The following MAP3K7 variants were observed in gnomAD, a reference collection of about 807,000 sequenced individuals.
MAP3K7 encodes the protein mitogen-activated protein kinase kinase kinase 7.
In MAP3K7, 21 loss-of-function variants were observed where a neutral mutation model predicts 84.8. That is an observed-to-expected ratio of 0.25 (90% CI 0.18 to 0.36). The LOEUF is 0.36. Ranked by LOEUF, MAP3K7 falls within the 10% of genes least tolerant of loss-of-function variation. MAP3K7 has a pLI of 1.00. For synonymous variants in MAP3K7, 241 were observed against 247.7 expected (o/e 0.97, Z 0.25); for missense variants, 503 against 747.7 (o/e 0.67, Z 3.82).
At chr6:90,556,456 G>C (rs780575612) in intron 6 of MAP3K7, 44 bp downstream of exon 6, 1 of 1,594,836 alleles carries the variant, frequency 6.3e-7, no homozygotes, top group East Asian at 2.3e-5. Flanking sequence ...AATTCACAAG[G>C]AGTGAGGGAG....
rs1028095489 is a variant in MAP3K7 at position 90,515,463 on chromosome 6, T to C, written c.*1038A>G. 5.3e-5 allele frequency: 8 copies of C among 152,108 alleles called. No individual in the cohort carries two copies. The highest frequency in any genetic ancestry group is 3.4e-3 in the Middle Eastern group (1 of 294). 9.4% of individuals were successfully genotyped at this position (152,108 alleles called of 1,614,324 possible). On this transcript the variant is annotated 3_prime_UTR_variant, in exon 17 of 17. Transcript: ENST00000369329. ...TTGTAAGGAAAATCAAATATTCCAA[T>C]ATCCAGGATAATTAGGACACTTGTT...
chr6:90,533,919 C>T (rs1181086215), intron 13 of MAP3K7, among the ~76,000 whole-genome samples: 1 of 152,036 alleles, frequency 6.6e-6, no homozygotes, highest in Non-Finnish European at 1.5e-5. Context: ...TAAAAAGCTT[C>T]CTGAATTAAT....
rs759545618 is a variant in MAP3K7 at position 90,547,303 on chromosome 6, T to C, written c.1165A>G (p.Ser389Gly). ...GCTTCTATTTCAGACATGTCAGCAC[T>C]CATCCTCTTGCCCTCAGAGGTTGGG... ...LPPTSEGKRM[S>G]ADMSEIEARI... is the part of the protein sequence containing the mutation. Residue 389 changes from serine (S) to glycine (G), a missense_variant, in exon 11 of 17, where the codon AGT becomes GGT. Around this residue, in one of 5 missense-constraint regions of MAP3K7, gnomAD observed 286 missense variants for 313.6 expected, o/e 0.91. Transcript: ENST00000369329. 1.1e-5 allele frequency: 17 copies of C among 1,613,116 alleles called. No homozygotes were observed. Among genetic ancestry groups the C allele is most frequent in the Admixed American group, 5.0e-5 (3 of 59,882 alleles).
chr6:90,518,400 T>A, intron 16 of MAP3K7, 47 bp downstream of exon 16: 1 of 996,732 alleles, frequency 1.0e-6, no homozygotes, highest in Non-Finnish European at 1.5e-6. Flanking sequence ...TATTTTAAAC[T>A]CAAAATACTA....
intron 4 of MAP3K7, among the ~76,000 whole-genome samples, 153 bp downstream of exon 4, chr6:90,561,469 T>C (rs1325046317): frequency 6.6e-6 from 1 of 152,186 alleles, no homozygotes; most frequent in East Asian, 1.9e-4. Context: ...GAATCTTATC[T>C]TTCCATTTTT....
chr6:90,533,375 G>A (rs1407478788), intron 13 of MAP3K7, among the ~76,000 whole-genome samples: 1 of 152,166 alleles, frequency 6.6e-6, no homozygotes, highest in Non-Finnish European at 1.5e-5. Flanking sequence ...TTACCATGGG[G>A]CAGCATGGGG....
In MAP3K7 at chr6:90,557,679, A is replaced by AT. The variant is rs529057002; in HGVS notation, c.483-1056dup. On this transcript the variant is annotated intron_variant, in intron 5 of 16. Coordinates refer to ENST00000369329, the MANE Select transcript of MAP3K7 (RefSeq NM_145331.3). ...CTTGTTTTATACTGGTATATTCAAGATATCAAGATAATTTCTGATGATTCA... is the reference window on the plus strand; with the variant it reads ...CTTGTTTTATACTGGTATATTCAAGATTATCAAGATAATTTCTGATGATTCA... 7.3e-4 allele frequency among the ~76,000 whole-genome samples: 111 copies of AT among 152,320 alleles called. 1 individual carries two copies. Among genetic ancestry groups the AT allele is most frequent in the African/African-American group, 2.6e-3 (107 of 41,574 alleles).
Position 90,553,543 on chromosome 6 carries a change from A to G in MAP3K7, c.651T>C (p.Ile217=). 2 of 1,613,956 alleles carry G rather than the reference A, an allele frequency of 1.2e-6. No individual in the cohort carries two copies. Among genetic ancestry groups the G allele is most frequent in the Non-Finnish European group, 1.7e-6 (2 of 1,179,888 alleles). The change falls in exon 7 of 17, where the codon ATT becomes ATC. Residue 217 remains isoleucine, a synonymous_variant. Transcript: ENST00000369329. The part of the protein sequence containing the change: ...SEKCDVFSWG[I]ILWEVITRRK... ...GACGCGTTATCACTTCCCAAAGAATAATACCCCAGCTGAAGACGTCACATT... is the reference window on the plus strand; with the variant it reads ...GACGCGTTATCACTTCCCAAAGAATGATACCCCAGCTGAAGACGTCACATT...
intron 6 of MAP3K7, among the ~76,000 whole-genome samples, chr6:90,554,589 A>C (rs1776278544): frequency 6.6e-6 from 1 of 152,208 alleles, no homozygotes; most frequent in Non-Finnish European, 1.5e-5. Flanking sequence ...TTTGGGCTAC[A>C]GGTTGACTGA....
intron 2 of MAP3K7, among the ~76,000 whole-genome samples, chr6:90,569,974 C>G (rs1168907095): frequency 6.6e-6 from 1 of 152,104 alleles, no homozygotes; most frequent in Non-Finnish European, 1.5e-5. Context: ...CTCTATCTAT[C>G]TAGAGCCAAC....
chr6:90,549,323 T>C (rs1224166609), intron 9 of MAP3K7, among the ~76,000 whole-genome samples: 3 of 151,998 alleles, frequency 2.0e-5, no homozygotes, highest in Admixed American at 6.6e-5. Context: ...GAGGCTACAG[T>C]ATAAAATTAA....
At chr6:90,570,683 C>G (rs138720456) in intron 2 of MAP3K7, among the ~76,000 whole-genome samples, 2 of 152,258 alleles carry the variant, frequency 1.3e-5, no homozygotes, top group African/African-American at 4.8e-5. Context: ...ACATGCACAT[C>G]TCATCTGGAT....
At chr6:90,565,333 A>G (rs977077365) in intron 3 of MAP3K7, among the ~76,000 whole-genome samples, 35 of 152,308 alleles carry the variant, frequency 2.3e-4, no homozygotes, top group African/African-American at 8.2e-4. Context: ...AATAAAGAAG[A>G]AAAGAGAGAA....
At chr6:90,568,164 G>GT (rs1396601932) in intron 3 of MAP3K7, among the ~76,000 whole-genome samples, 1 of 152,152 alleles carries the variant, frequency 6.6e-6, no homozygotes, top group Non-Finnish European at 1.5e-5. Flanking sequence ...GTATACATAC[G>GT]TAACAAACCT....
At chr6:90,545,022 ATTTGT>A (rs1775960800) in intron 11 of MAP3K7, among the ~76,000 whole-genome samples, 1 of 152,104 alleles carries the variant, frequency 6.6e-6, no homozygotes, top group Admixed American at 6.6e-5. Flanking sequence ...AAGTTGTCGT[ATTTGT>A]TTTAATTACA....
intron 1 of MAP3K7, among the ~76,000 whole-genome samples, chr6:90,580,127 T>C (rs563640989): frequency 3.9e-5 from 6 of 152,336 alleles, no homozygotes; most frequent in East Asian, 1.9e-4. Flanking sequence ...TGTAGAATAA[T>C]AGTATGTCTG....
chr6:90,568,528 C>A, intron 3 of MAP3K7, 30 bp downstream of exon 3: 1 of 1,580,818 alleles, frequency 6.3e-7, no homozygotes, highest in Non-Finnish European at 8.6e-7. Flanking sequence ...TCATTTCTCA[C>A]AGGTGACCAT....
At chr6:90,555,414 C>T (rs1049821277) in intron 6 of MAP3K7, among the ~76,000 whole-genome samples, 1 of 152,052 alleles carries the variant, frequency 6.6e-6, no homozygotes, top group Non-Finnish European at 1.5e-5. Flanking sequence ...CGCCACCACG[C>T]CCGGCGAATT....
chr6:90,516,795 T>C (rs1204271142), intron 16 of MAP3K7, 114 bp from the exon 17 acceptor site: 1 of 756,820 alleles, frequency 1.3e-6, no homozygotes, highest in Non-Finnish European at 2.1e-6. Flanking sequence ...ATTTTGCATC[T>C]TAGGTACACT....
Sources: allele counts gnomAD v4.1 joint callset (sites outside exome capture counted in the v4.1 genomes callset), GRCh38; gene constraint gnomAD v4.1.1; regional missense constraint gnomAD v4.1.1; transcripts MANE v1.5; gene names NCBI Gene and HGNC (gene_info 2026-07-23, HGNC 2026-07-21).